DPH7: variants seen among roughly 807,000 people sequenced by gnomAD.
DPH7 encodes the protein diphthamide biosynthesis 7.
DPH7 carries 44 observed loss-of-function variants against 41.7 expected under a neutral mutation model. The ratio of observed to expected loss-of-function variants is 1.05; its 90% CI spans 0.83 to 1.36. The LOEUF (loss-of-function observed/expected upper bound fraction) is 1.36, where lower values mean the gene tolerates loss of function less well. DPH7 is among the 40% of genes most tolerant of loss of function. The pLI is 0.00. For missense variants in DPH7, 629 were observed against 577.5 expected (o/e 1.09, Z -0.91); for synonymous variants, 275 against 238.0 (o/e 1.16, Z -1.43).
At chr9:137,558,761 G>A (rs1008412105) in intron 8 of DPH7, among the ~76,000 whole-genome samples, 11 of 152,106 alleles carry the variant, frequency 7.2e-5, no homozygotes, top group South Asian at 6.2e-4. Flanking sequence ...TTTTTGAGAC[G>A]GAGTGTCACT....
At chr9:137,575,038 GAGCTCACACTCCTCACACTTGC>G (rs1194308039) in intron 3 of DPH7, 195 bp from the exon 4 acceptor site, 2 of 1,388,374 alleles carry the variant, frequency 1.4e-6, no homozygotes, top group Non-Finnish European at 1.9e-6. Context: ...GGGGACACTG[GAGCTCACACTCCTCACACTTGC>G]AGGACAACTT....
intron 8 of DPH7, among the ~76,000 whole-genome samples, chr9:137,561,309 C>T (rs553735710): frequency 1.8e-4 from 27 of 152,184 alleles, no homozygotes; most frequent in African/African-American, 5.8e-4. Context: ...GAGGGCACAG[C>T]GCCACTTTCA....
rs187091122 is a variant in DPH7 at position 137,564,206 on chromosome 9, C to T, written c.949+228G>A. ...CGAAATGCAGGAGGCACCGGAATGACGGAGCTGGGAAACCAGGGAAAACTG... is the reference window on the plus strand; with the variant it reads ...CGAAATGCAGGAGGCACCGGAATGATGGAGCTGGGAAACCAGGGAAAACTG... On this transcript the variant is annotated intron_variant, in intron 8 of 8. Transcript: ENST00000277540. 1.5e-4 allele frequency among the ~76,000 whole-genome samples: 23 copies of T among 152,298 alleles called. No homozygotes were observed. The South Asian group carries it at 3.9e-3, about 26-fold the overall frequency.
Position 137,574,850 on chromosome 9 carries a change from G to C in DPH7, c.376-7C>G, listed in dbSNP as rs1564463993. ...GCTCCAGCACGTGGCTCTTCTACTG[G>C]AGAAGAAGAAACTCCATCAAAGGGA... On this transcript the variant is annotated splice_polypyrimidine_tract_variant and splice_region_variant and intron_variant, in intron 3 of 8. Coordinates refer to ENST00000277540, the MANE Select transcript of DPH7 (RefSeq NM_138778.5). 4 of 1,613,490 alleles carry C rather than the reference G, an allele frequency of 2.5e-6. No individual in the cohort carries two copies. The highest frequency in any genetic ancestry group is 2.2e-5 in the South Asian group (2 of 90,994).
At chr9:137,571,492 A>G (rs913965265) in intron 5 of DPH7, among the ~76,000 whole-genome samples, 4 of 152,040 alleles carry the variant, frequency 2.6e-5, no homozygotes, top group Non-Finnish European at 4.4e-5. Flanking sequence ...GCCTATATAA[A>G]TAATTTTTTT....
intron 2 of DPH7, among the ~76,000 whole-genome samples, chr9:137,577,044 A>T (rs946361608): frequency 3.0e-5 from 4 of 131,158 alleles, no homozygotes; most frequent in Non-Finnish European, 6.3e-5. Context: ...ACGGAACAAA[A>T]CCCTGCCTCA....
chr9:137,560,614 G>A (rs1274410359), intron 8 of DPH7, among the ~76,000 whole-genome samples: 1 of 152,142 alleles, frequency 6.6e-6, no homozygotes, highest in African/African-American at 2.4e-5. Context: ...CAGCACTTTG[G>A]GAGGCCGAGG....
intron 5 of DPH7, among the ~76,000 whole-genome samples, chr9:137,573,326 A>T (rs1475469113): frequency 3.8e-5 from 5 of 131,544 alleles, no homozygotes; most frequent in African/African-American, 1.2e-4. Context: ...GCGCCACTGC[A>T]CTCCAGCCTA....
intron 2 of DPH7, among the ~76,000 whole-genome samples, chr9:137,576,882 T>TCC (rs1264566711): frequency 6.7e-6 from 1 of 148,196 alleles, no homozygotes; most frequent in East Asian, 2.0e-4. Context: ...AGAGCGAGAC[T>TCC]CCGTCTCAAA....
intron 8 of DPH7, among the ~76,000 whole-genome samples, chr9:137,563,184 C>G (rs868064666): frequency 6.6e-6 from 1 of 151,226 alleles, no homozygotes; most frequent in African/African-American, 2.4e-5. Context: ...AAAGCACATT[C>G]ACAGAACTAA....
intron 5 of DPH7, among the ~76,000 whole-genome samples, chr9:137,572,546 G>T (rs1840622068): frequency 6.6e-6 from 1 of 152,240 alleles, no homozygotes; most frequent in African/African-American, 2.4e-5. Flanking sequence ...AACTAGATGA[G>T]ACAGTGGCCC....
At chr9:137,559,938 C>T (rs1280744377) in intron 8 of DPH7, among the ~76,000 whole-genome samples, 2 of 152,348 alleles carry the variant, frequency 1.3e-5, no homozygotes, top group East Asian at 1.9e-4. Context: ...ACTCTCTCGT[C>T]GCCGCACACA....
intron 8 of DPH7, among the ~76,000 whole-genome samples, chr9:137,562,577 AT>A (rs1217661393): frequency 4.6e-5 from 7 of 152,260 alleles, no homozygotes; most frequent in Non-Finnish European, 8.8e-5. Flanking sequence ...AGGAAAATGT[AT>A]CACCATTAAT....
chr9:137,574,549 A>C, intron 4 of DPH7, 169 bp from the exon 5 acceptor site: 1 of 839,056 alleles, frequency 1.2e-6, no homozygotes, highest in Non-Finnish European at 1.8e-6. Context: ...CAAAGACACC[A>C]GTGTCGACTT....
At chr9:137,574,515 GATCACA>G in intron 4 of DPH7, 135 bp from the exon 5 acceptor site, 1 of 965,026 alleles carries the variant, frequency 1.0e-6, no homozygotes, top group Non-Finnish European at 1.5e-6. Context: ...TGGCGGCTAA[GATCACA>G]ACCACTGCTA....
At chr9:137,559,870 T>C (rs1462799005) in intron 8 of DPH7, among the ~76,000 whole-genome samples, 1 of 152,220 alleles carries the variant, frequency 6.6e-6, no homozygotes, top group Admixed American at 6.5e-5. Context: ...TTGGTGGTAG[T>C]GGTCCCCCGG....
At chr9:137,572,342 A>G (rs985564686) in intron 5 of DPH7, among the ~76,000 whole-genome samples, 8 of 152,226 alleles carry the variant, frequency 5.3e-5, no homozygotes, top group Non-Finnish European at 1.2e-4. Flanking sequence ...CGTGGACCAG[A>G]TTCCACAGGC....
At chr9:137,560,717 G>A (rs1190620018) in intron 8 of DPH7, among the ~76,000 whole-genome samples, 1 of 152,146 alleles carries the variant, frequency 6.6e-6, no homozygotes, top group East Asian at 1.9e-4. Context: ...TTAGCCAGGT[G>A]TGGTGGTGGG....
In DPH7 at chr9:137,573,170, G is replaced by C. The variant is rs534129349; in HGVS notation, c.640+1038C>G. Among the ~76,000 whole-genome samples, 5 of 151,750 alleles carry C rather than the reference G, an allele frequency of 3.3e-5. No individual in the cohort carries two copies. The East Asian group carries it at 9.7e-4, about 29-fold the overall frequency. On this transcript the variant is annotated intron_variant, in intron 5 of 8. Coordinates refer to ENST00000277540, the MANE Select transcript of DPH7 (RefSeq NM_138778.5). Reference sequence around the variant, plus strand: ...AGGTCAGGAGATCAAGACCACCCTGGCTAACACAGTGAAACCCCGTCTCTA... The same window carrying C: ...AGGTCAGGAGATCAAGACCACCCTGCCTAACACAGTGAAACCCCGTCTCTA...
Sources: allele counts gnomAD v4.1 joint callset (sites outside exome capture counted in the v4.1 genomes callset), GRCh38; gene constraint gnomAD v4.1.1; transcripts MANE v1.5; gene names NCBI Gene and HGNC (gene_info 2026-07-23, HGNC 2026-07-21).